DENND6B: variants seen among roughly 807,000 people sequenced by gnomAD.
DENND6B encodes protein DENND6B.
DENND6B carries 73 observed loss-of-function variants against 85.1 expected under a neutral mutation model. That is an observed-to-expected ratio of 0.86 (90% CI 0.71 to 1.04). DENND6B has a LOEUF of 1.04. Among genes scored for constraint, DENND6B ranks in the 50% least tolerant of loss-of-function variants. The pLI, the probability that DENND6B is intolerant of heterozygous loss-of-function variation, is 0.00. For missense variants in DENND6B, 715 were observed against 785.8 expected (o/e 0.91, Z 1.08); for synonymous variants, 357 against 329.3 (o/e 1.08, Z -0.91).
rs1226481096 is a variant in DENND6B, at chr22:50,309,318, G to T, written c.*2821C>A. 1 of 152,354 alleles carries T rather than the reference G, an allele frequency of 6.6e-6. No homozygotes were observed. The highest frequency in any genetic ancestry group is 6.5e-5 in the Admixed American group (1 of 15,294). 9.4% of individuals were successfully genotyped at this position (152,354 alleles called of 1,614,324 possible). The stretch of plus-strand genomic sequence containing the variant: ...GCCCAGCAAGCCCTCTTGCCTGCGG[G>T]GGCTGGCACTCTGGCCAGGGGTAGA... On this transcript the variant is annotated 3_prime_UTR_variant, in exon 20 of 20. Transcript: ENST00000413817.
intron 15 of DENND6B, 49 bp downstream of exon 15, chr22:50,313,586 C>A (rs1402862052): frequency 4.6e-6 from 7 of 1,507,488 alleles, no homozygotes; most frequent in Non-Finnish European, 6.3e-6. Context: ...AACCCCATCC[C>A]CCCAGCCCCG....
intron 14 of DENND6B, 32 bp downstream of exon 14, chr22:50,313,782 C>A (rs781421018): frequency 9.9e-6 from 16 of 1,610,282 alleles, no homozygotes; most frequent in Non-Finnish European, 1.1e-5. Context: ...AGGCTCCCTG[C>A]GTCCCCAGCC....
rs575048802 is a variant in DENND6B, at chr22:50,314,555, GAGAGGCAGGGCGGAGCAAGGGCA to G, written c.977+27_977+49del. The G allele has an allele frequency of 2.1e-5, 32 of 1,554,218 alleles. No homozygotes were observed. The African/African-American group carries it at 2.2e-4, about 11-fold the overall frequency. On this transcript the variant is annotated intron_variant, in intron 11 of 19. Transcript: ENST00000413817. Reference sequence around the variant, plus strand: ...AGGTCCAGGGAGGTGCAGGAAGGGCGAGAGGCAGGGCGGAGCAAGGGCAAGAGGCGGGGCAGAGGCGGCACTTA... The same window carrying G: ...AGGTCCAGGGAGGTGCAGGAAGGGCGAGAGGCGGGGCAGAGGCGGCACTTA...
chr22:50,318,048 G>T, intron 3 of DENND6B, 28 bp from the exon 4 acceptor site: 1 of 1,608,156 alleles, frequency 6.2e-7, no homozygotes. Context: ...CACCACACGG[G>T]TCAAGGCCGG....
At chr22:50,315,027 A>G (rs553562110) in intron 9 of DENND6B, 106 bp from the exon 10 acceptor site, 2 of 1,475,922 alleles carry the variant, frequency 1.4e-6, no homozygotes, top group South Asian at 1.3e-5. Flanking sequence ...ACTGGTGAAC[A>G]CAGCACGCTG....
chr22:50,316,146 G>A, intron 7 of DENND6B, 28 bp downstream of exon 7: 1 of 1,612,580 alleles, frequency 6.2e-7, no homozygotes, highest in Non-Finnish European at 8.5e-7. Context: ...CACCTGCAGA[G>A]CCTACTCCCC....
chr22:50,313,981 C>T (rs1438626215), intron 13 of DENND6B, 103 bp from the exon 14 acceptor site: 20 of 1,415,938 alleles, frequency 1.4e-5, no homozygotes, highest in Admixed American at 2.6e-5. Context: ...CTGCCTGCAG[C>T]CCCATGCCCT....
chr22:50,313,559 G>A (rs1053797938), intron 15 of DENND6B, 60 bp from the exon 16 acceptor site: 41 of 168,096 alleles, frequency 2.4e-4, no homozygotes, highest in East Asian at 5.3e-4. Context: ...CCCATCCCCC[G>A]CAGCCCCGTC....
chr22:50,319,605 G>A (rs535566360), intron 1 of DENND6B: 39 of 817,870 alleles, frequency 4.8e-5, no homozygotes, highest in South Asian at 1.7e-4. Flanking sequence ...CAAGCCAGAG[G>A]GCCCCTCACC....
In DENND6B at chr22:50,312,194, T is replaced by G. The variant is rs2068071533; in HGVS notation, c.1703A>C (p.Glu568Ala). Residue 568 changes from glutamate (E) to alanine (A), a missense_variant, in exon 20 of 20, where the codon GAG becomes GCG. Transcript: ENST00000413817. Reference sequence around the variant, plus strand: ...TTTGGGCAGGGAGCCGATGACCGTCTCGATGTACAGCTGTGCCCGCTGCAG... The same window carrying G: ...TTTGGGCAGGGAGCCGATGACCGTCGCGATGTACAGCTGTGCCCGCTGCAG... ...ATLQRAQLYI[E>A]TVIGSLPKDL... 6.2e-7 allele frequency: 1 copy of G among 1,612,314 alleles called. No individual in the cohort carries two copies. The highest frequency in any genetic ancestry group is 1.3e-5 in the African/African-American group (1 of 74,872).
At chr22:50,319,937 G>C (rs2041991677) in intron 1 of DENND6B, among the ~76,000 whole-genome samples, 1 of 152,242 alleles carries the variant, frequency 6.6e-6, no homozygotes, top group Admixed American at 6.5e-5. Flanking sequence ...CGCTGACAGA[G>C]GCGGCAGGTG....
intron 8 of DENND6B, 112 bp from the exon 9 acceptor site, chr22:50,315,881 C>G: frequency 1.3e-6 from 2 of 1,507,940 alleles, no homozygotes; most frequent in African/African-American, 2.7e-5. Context: ...AGCCCTACAC[C>G]AACACACAGC....
At chr22:50,320,839 C>T (rs1057274570) in intron 1 of DENND6B, among the ~76,000 whole-genome samples, 2 of 152,184 alleles carry the variant, frequency 1.3e-5, no homozygotes, top group Non-Finnish European at 2.9e-5. Flanking sequence ...AGCTCCGTGC[C>T]CATGCCCAGG....
At chr22:50,322,383 TA>T (rs1328451842) in intron 1 of DENND6B, among the ~76,000 whole-genome samples, 1 of 152,076 alleles carries the variant, frequency 6.6e-6, no homozygotes, top group African/African-American at 2.4e-5. Context: ...CAATAATTTT[TA>T]AAACTACAAA....
chr22:50,319,940 G>A (rs1025894210), intron 1 of DENND6B, among the ~76,000 whole-genome samples: 7 of 152,340 alleles, frequency 4.6e-5, no homozygotes, highest in South Asian at 2.1e-4. Context: ...TGACAGAGGC[G>A]GCAGGTGGGG....
intron 1 of DENND6B, among the ~76,000 whole-genome samples, chr22:50,322,693 C>T (rs537095181): frequency 1.3e-5 from 2 of 152,052 alleles, no homozygotes; most frequent in East Asian, 1.9e-4. Flanking sequence ...GGATTACAGG[C>T]GTGCCACAAT....
At chr22:50,317,223 C>T in intron 5 of DENND6B, 70 bp downstream of exon 5, 1 of 1,569,860 alleles carries the variant, frequency 6.4e-7, no homozygotes, top group Non-Finnish European at 8.7e-7. Context: ...TGCCCGCCCA[C>T]AGCCCCTCCT....
chr22:50,316,782 C>G (rs1166554252), intron 5 of DENND6B: 1 of 1,301,178 alleles, frequency 7.7e-7, no homozygotes, highest in Non-Finnish European at 1.0e-6. Flanking sequence ...AGCTTTTACT[C>G]TCTGCCTATG....
At chr22:50,316,748 G>C in intron 5 of DENND6B, 7 of 1,389,832 alleles carry the variant, frequency 5.0e-6, no homozygotes, top group South Asian at 2.5e-5. Flanking sequence ...AGAATTTCTA[G>C]AACGACCTCC....
Sources: gnomAD v4.1 joint callset for allele counts (sites outside exome capture counted in the v4.1 genomes callset) on GRCh38, gnomAD v4.1.1 for gene constraint, MANE v1.5 for transcripts, NCBI Gene and HGNC (gene_info 2026-07-23, HGNC 2026-07-21) for gene names.